The following PLCB1 variants were observed in gnomAD, a reference collection of about 807,000 sequenced individuals.
The protein encoded by PLCB1 is phospholipase C beta 1, also known as 1-phosphatidylinositol 4,5-bisphosphate phosphodiesterase beta-1.
A neutral mutation model predicts 161.8 loss-of-function variants in PLCB1; 46 were observed. The ratio of observed to expected loss-of-function variants is 0.28; its 90% CI spans 0.22 to 0.36. The LOEUF is 0.36. Among genes scored for constraint, PLCB1 ranks in the 10% least tolerant of loss-of-function variants. The pLI is 1.00. For synonymous variants in PLCB1, 517 were observed against 503.7 expected, an observed-to-expected ratio of 1.03 and a Z score of -0.35; for missense variants, 1,016 against 1,472.5, an observed-to-expected ratio of 0.69 and a Z score of 5.07.
intron 31 of PLCB1, among the ~76,000 whole-genome samples, 155 bp downstream of exon 31, chr20:8,790,416 T>C (rs1983697572): frequency 6.6e-6 from 1 of 152,212 alleles, no homozygotes. Context: ...GGAAAAAATA[T>C]AGCAATATTC....
chr20:8,587,179 A>AAAT lies in PLCB1; in HGVS notation c.247-41114_247-41113insATA, dbSNP rs1555774311. Reference sequence around the variant, plus strand: ...CTAACGCCAGCACTATCAATTAAAAAATATATATATATATATGATCTCAAA... The same window carrying AAAT: ...CTAACGCCAGCACTATCAATTAAAAAAATATATATATATATATATGATCTCAAA... On this transcript the variant is annotated intron_variant, in intron 3 of 31. Transcript: ENST00000338037. Among the ~76,000 whole-genome samples, 6 of 144,392 alleles carry AAAT rather than the reference A, an allele frequency of 4.2e-5. No homozygotes were observed. The East Asian group carries it at 6.2e-4, about 15-fold the overall frequency. The allele number at this position is 144,392 out of a possible 152,430, so 94.7% of individuals were successfully genotyped here. A position where few individuals can be genotyped will look rare whatever the true frequency, so the allele number is the denominator to read the frequency against.
chr20:8,846,371 A>G (rs1047487538), intron 31 of PLCB1, among the ~76,000 whole-genome samples: 4 of 150,748 alleles, frequency 2.7e-5, no homozygotes, highest in African/African-American at 1.0e-4. Context: ...GAGGACACAA[A>G]TCCAAACCAT....
At chr20:8,186,689 A>G (rs960468063) in intron 2 of PLCB1, among the ~76,000 whole-genome samples, 4 of 152,176 alleles carry the variant, frequency 2.6e-5, no homozygotes, top group African/African-American at 9.7e-5. Flanking sequence ...ATGGGATTAA[A>G]TGTGCAAAAA....
At chr20:8,243,688 A>T (rs140934639) in intron 2 of PLCB1, among the ~76,000 whole-genome samples, 66 of 152,104 alleles carry the variant, frequency 4.3e-4, no homozygotes, top group African/African-American at 1.5e-3. Context: ...TGCAATGCAC[A>T]TAGGAATGCT....
intron 2 of PLCB1, among the ~76,000 whole-genome samples, chr20:8,301,516 A>G (rs2123320676): frequency 6.6e-6 from 1 of 152,260 alleles, no homozygotes; most frequent in South Asian, 2.1e-4. Context: ...CAGAATGCTA[A>G]GAGAGCCACC....
At chr20:8,423,700 TAA>T (rs1568670305) in intron 3 of PLCB1, among the ~76,000 whole-genome samples, 3 of 152,188 alleles carry the variant, frequency 2.0e-5, no homozygotes, top group Non-Finnish European at 1.5e-5. Context: ...TTCAGGATAA[TAA>T]ATCAAGTAAG....
At chr20:8,150,499 T>G (rs1385960392) in intron 2 of PLCB1, 128 bp downstream of exon 2, 1 of 477,126 alleles carries the variant, frequency 2.1e-6, no homozygotes, top group Non-Finnish European at 3.8e-6. Flanking sequence ...AGGTTCTACT[T>G]TTAAAGAATA....
chr20:8,828,549 A>C lies in PLCB1; in HGVS notation c.3423+38288A>C, dbSNP rs115297902. Among the ~76,000 whole-genome samples, 1,197 of 152,290 alleles carry C rather than the reference A, an allele frequency of 7.9e-3. 11 individuals are homozygous for C. The highest frequency in any genetic ancestry group is 0.028 in the African/African-American group (1,143 of 41,556). ...AGGATGAGCTCACTAATAAGAGTAC[A>C]TTATCTCTTATTGGGACAGGCTTAA... On this transcript the variant is annotated intron_variant, in intron 31 of 31. Coordinates refer to ENST00000338037, the MANE Select transcript of PLCB1 (RefSeq NM_015192.4).
intron 2 of PLCB1, among the ~76,000 whole-genome samples, chr20:8,226,848 T>C (rs955415538): frequency 1.3e-5 from 2 of 151,978 alleles, no homozygotes; most frequent in African/African-American, 4.8e-5. Context: ...CCACTGCGTC[T>C]GGCTAATTTT....
At chr20:8,566,207 G>T (rs1986329113) in intron 3 of PLCB1, among the ~76,000 whole-genome samples, 1 of 152,104 alleles carries the variant, frequency 6.6e-6, no homozygotes, top group Non-Finnish European at 1.5e-5. Context: ...TAGGTATTGT[G>T]CTTACTTCAG....
Position 8,788,780 on chromosome 20 carries a change from A to G in PLCB1, c.3278+58A>G, listed in dbSNP as rs1195571799. 3 of 1,099,834 alleles carry G rather than the reference A, an allele frequency of 2.7e-6. No homozygotes were observed. In the East Asian group the frequency reaches 7.2e-5, roughly 27 times the overall value. 68.1% of individuals were successfully genotyped at this position (1,099,834 alleles called of 1,614,324 possible). ...TCATCTGGGAATTATTTTATTTTGT[A>G]CGTCAGAGTCACAGGTTCATAACCA... On this transcript the variant is annotated intron_variant, in intron 29 of 31. Coordinates refer to ENST00000338037, the MANE Select transcript of PLCB1 (RefSeq NM_015192.4).
At chr20:8,644,106 G>A (rs933391343) in intron 4 of PLCB1, among the ~76,000 whole-genome samples, 5 of 152,316 alleles carry the variant, frequency 3.3e-5, no homozygotes, top group African/African-American at 1.2e-4. Flanking sequence ...GCTCAATGGT[G>A]CCCAGGCTGG....
At chr20:8,666,934 G>T (rs1312393121) in intron 9 of PLCB1, among the ~76,000 whole-genome samples, 1 of 151,990 alleles carries the variant, frequency 6.6e-6, no homozygotes, top group Non-Finnish European at 1.5e-5. Flanking sequence ...TTCTCTGCAG[G>T]GATGTCTGCC....
At chr20:8,797,521 A>AT (rs924752552) in intron 31 of PLCB1, among the ~76,000 whole-genome samples, 7 of 151,660 alleles carry the variant, frequency 4.6e-5, no homozygotes, top group African/African-American at 1.7e-4. Context: ...TCTGTGGGCA[A>AT]TTTTTTTTCC....
At chr20:8,296,528 C>T (rs1481388346) in intron 2 of PLCB1, among the ~76,000 whole-genome samples, 3 of 152,068 alleles carry the variant, frequency 2.0e-5, no homozygotes, top group Admixed American at 6.6e-5. Context: ...GGTCCCTTTT[C>T]CCATTAACTT....
intron 2 of PLCB1, among the ~76,000 whole-genome samples, chr20:8,173,753 G>T (rs1291521052): frequency 1.3e-5 from 2 of 152,028 alleles, no homozygotes; most frequent in African/African-American, 4.8e-5. Context: ...AAATTATTTT[G>T]AAACAAGTGC....
At chr20:8,489,110 T>C (rs1982844142) in intron 3 of PLCB1, among the ~76,000 whole-genome samples, 1 of 152,156 alleles carries the variant, frequency 6.6e-6, no homozygotes, top group South Asian at 2.1e-4. Context: ...CTTAAAAGTA[T>C]GTGCTAGGAG....
At chr20:8,222,639 G>T (rs1600243584) in intron 2 of PLCB1, among the ~76,000 whole-genome samples, 1 of 152,032 alleles carries the variant, frequency 6.6e-6, no homozygotes, top group East Asian at 1.9e-4. Context: ...GCAAAATTTT[G>T]TTCATTTCTT....
chr20:8,304,296 T>C (rs1047021313), intron 2 of PLCB1, among the ~76,000 whole-genome samples: 15 of 152,146 alleles, frequency 9.9e-5, no homozygotes, highest in Non-Finnish European at 2.1e-4. Context: ...ATTCAGTCAG[T>C]GCTTACAGTA....
Sources: gnomAD v4.1 joint callset for allele counts (sites outside exome capture counted in the v4.1 genomes callset) on GRCh38, gnomAD v4.1.1 for gene constraint, MANE v1.5 for transcripts, NCBI Gene and HGNC (gene_info 2026-07-23, HGNC 2026-07-21) for gene names.